CCDC136: variants seen among roughly 807,000 people sequenced by gnomAD.
The protein encoded by CCDC136 is coiled-coil domain-containing protein 136.
In CCDC136, 100 loss-of-function variants were observed where a neutral mutation model predicts 141.2. That is an observed-to-expected ratio of 0.71 (90% CI 0.60 to 0.84). The LOEUF is 0.84. Ranked by LOEUF, CCDC136 falls within the 40% of genes least tolerant of loss-of-function variation. The pLI, the probability that CCDC136 is intolerant of heterozygous loss-of-function variation, is 0.00. For missense variants in CCDC136, 1,206 were observed against 1,379.4 expected (o/e 0.87, Z 1.99); for synonymous variants, 474 against 531.9 (o/e 0.89, Z 1.50).
chr7:128,814,239 A>G (rs572983979), intron 14 of CCDC136, among the ~76,000 whole-genome samples: 55 of 151,974 alleles, frequency 3.6e-4, no homozygotes, highest in African/African-American at 1.3e-3. Flanking sequence ...GCGCGCTCCA[A>G]TAAGCCCAGC....
chr7:128,814,888 A>G lies in CCDC136; in HGVS notation c.3014A>G (p.Asp1005Gly). 6.2e-7 allele frequency: 1 copy of G among 1,604,186 alleles called. No homozygotes were observed. The highest frequency in any genetic ancestry group is 8.5e-7 in the Non-Finnish European group (1 of 1,174,920). ...AAAAAGGTGACCAAGCCATGCTCGG[A>G]TACTTCTGAGAGCGACCTTGAGACC... is the stretch of plus-strand genomic sequence containing the variant. ...KMKKVTKPCS[D>G]TSESDLETRK... The change falls in exon 15 of 18, where the codon GAT (aspartate) becomes GGT (glycine). Residue 1005 changes from aspartate (D) to glycine (G), a missense_variant. By Grantham distance (94) the Asp-to-Gly change is moderately conservative. Transcript: ENST00000297788.
At chr7:128,796,498 CTT>C (rs1802966943) in intron 3 of CCDC136, among the ~76,000 whole-genome samples, 1 of 151,864 alleles carries the variant, frequency 6.6e-6, no homozygotes, top group Non-Finnish European at 1.5e-5. Context: ...AGAGGTTTGG[CTT>C]TCATGTTAAG....
rs147635808 is a variant in CCDC136, at chr7:128,809,132, C to T, written c.1606-318C>T. The stretch of plus-strand genomic sequence containing the variant: ...GAATATGGTGTATAAAGGAAAGGGC[C>T]GGAGAAGAGGAAGGGGGAAATGAGA... On this transcript the variant is annotated intron_variant, in intron 10 of 17. Coordinates refer to ENST00000297788, the MANE Select transcript of CCDC136 (RefSeq NM_022742.5). 4.2e-4 allele frequency: 139 copies of T among 327,436 alleles called. 1 individual carries two copies. The East Asian group carries it at 1.0e-2, about 23-fold the overall frequency. 20.3% of individuals were successfully genotyped at this position (327,436 alleles called of 1,614,324 possible). A position where few individuals can be genotyped will look rare whatever the true frequency, so the allele number is the denominator to read the frequency against.
At chr7:128,811,765 G>A (rs766908021) in intron 12 of CCDC136, 35 bp from the exon 13 acceptor site, 1 of 1,531,922 alleles carries the variant, frequency 6.5e-7, no homozygotes, top group Non-Finnish European at 8.8e-7. Context: ...TGAAGTGTCA[G>A]AGTAATGATA....
In CCDC136 at chr7:128,817,861, G is replaced by GCAGGTA. The variant is rs757358903; in HGVS notation, c.*4_*5+4dup. ...TGGTGGGCTGAGACGTCGTCCTAATGCAGGTACTGGTATTGCTTCCTCTCC... is the reference window on the plus strand; with the variant it reads ...TGGTGGGCTGAGACGTCGTCCTAATGCAGGTACAGGTACTGGTATTGCTTCCTCTCC... On this transcript the variant is annotated 3_prime_UTR_variant, in exon 17 of 18. Coordinates refer to ENST00000297788, the MANE Select transcript of CCDC136 (RefSeq NM_022742.5). The surrounding 1 kb of genome is among the most constrained non-coding windows in gnomAD (Gnocchi z 4.6). 5 of 1,611,698 alleles carry GCAGGTA rather than the reference G, an allele frequency of 3.1e-6. No homozygotes were observed. The Admixed American group carries it at 8.3e-5, about 27-fold the overall frequency.
chr7:128,815,886 A>G lies in CCDC136; in HGVS notation c.3318A>G (p.Glu1106=). The part of the protein sequence containing the change: ...EEEDDADSSL[E]SPEENNPLRL... The stretch of plus-strand genomic sequence containing the variant: ...AGGATGACGCCGACTCTTCCCTTGA[A>G]AGTCCCGAAGAAAATAACCCCCTCA... Residue 1106 remains glutamate, a synonymous_variant, in exon 16 of 18, where the codon GAA becomes GAG. Coordinates refer to ENST00000297788, the MANE Select transcript of CCDC136 (RefSeq NM_022742.5). The G allele has an allele frequency of 6.2e-7, 1 of 1,613,802 alleles. No individual in the cohort carries two copies. Among genetic ancestry groups the G allele is most frequent in the East Asian group, 2.2e-5 (1 of 44,890 alleles).
intron 12 of CCDC136, among the ~76,000 whole-genome samples, 153 bp from the exon 13 acceptor site, chr7:128,811,647 A>G (rs1213802994): frequency 6.6e-6 from 1 of 152,216 alleles, no homozygotes; most frequent in Non-Finnish European, 1.5e-5. Context: ...CCAGTTACCT[A>G]TAGGCTAAGT....
chr7:128,807,288 C>G, intron 9 of CCDC136, 72 bp from the exon 10 acceptor site: 1 of 1,199,744 alleles, frequency 8.3e-7, no homozygotes, highest in East Asian at 3.1e-5. Context: ...TCCCCTTAGT[C>G]CCCGCCTGGG....
chr7:128,797,187 A>G (rs1395010529), intron 3 of CCDC136, among the ~76,000 whole-genome samples: 1 of 152,192 alleles, frequency 6.6e-6, no homozygotes, highest in African/African-American at 2.4e-5. Flanking sequence ...GCAAGGGGTA[A>G]GTTTTGGGGC....
intron 1 of CCDC136, among the ~76,000 whole-genome samples, chr7:128,793,266 GT>G (rs1436916943): frequency 8.5e-5 from 13 of 152,184 alleles, no homozygotes; most frequent in African/African-American, 2.4e-4. Flanking sequence ...CCAAACCCCA[GT>G]TTTTTTAATG....
rs369412186 is a variant in CCDC136 at position 128,810,321 on chromosome 7, C to T, written c.1983C>T (p.Pro661=). ...ESHFQEVLEN[P]DDSKLAKSSK... ...ATTTCCAGGAAGTGTTGGAGAATCCCGATGATTCCAAATTGGCTAAGTCCT... is the reference window on the plus strand; with the variant it reads ...ATTTCCAGGAAGTGTTGGAGAATCCTGATGATTCCAAATTGGCTAAGTCCT... The change falls in exon 12 of 18, where the codon CCC becomes CCT. Residue 661 remains proline (P), a synonymous_variant. Coordinates refer to ENST00000297788, the MANE Select transcript of CCDC136 (RefSeq NM_022742.5). The T allele has an allele frequency of 9.4e-5, 152 of 1,613,826 alleles. No homozygotes were observed. Among genetic ancestry groups the T allele is most frequent in the South Asian group, 3.2e-4 (29 of 91,074 alleles).
At position 128,805,502 on chromosome 7, in the gene CCDC136, A is replaced by G; in HGVS notation, c.926A>G (p.Gln309Arg). The change falls in exon 6 of 18, where the codon CAG becomes CGG. Residue 309 changes from glutamine to arginine, a missense_variant. Gln to Arg is a conservative substitution (Grantham distance 43, BLOSUM62 1). Transcript: ENST00000297788. The surrounding 1 kb of genome is among the most constrained non-coding windows in gnomAD (Gnocchi z 4.6). The part of the protein sequence containing the change: ...LRQQLRDAEE[Q>R]MHGMKNKCQE... ...CAGCAGCTACGGGATGCTGAAGAGC[A>G]GATGCATGGCATGAAGAACAAGGTA... 1 of 1,611,890 alleles carries G rather than the reference A, an allele frequency of 6.2e-7. No homozygotes were observed. The highest frequency in any genetic ancestry group is 2.2e-5 in the East Asian group (1 of 44,868).
At position 128,794,174 on chromosome 7, in the gene CCDC136, C is replaced by T. The variant is rs1169738596; in HGVS notation, c.17-174C>T. ...GTGGAGGGGCTGCTTCTCAACTTGA[C>T]TCTCACACCTGAGGACTCATCTTGA... On this transcript the variant is annotated intron_variant, in intron 1 of 17. Transcript: ENST00000297788. The surrounding 1 kb of genome is among the most constrained non-coding windows in gnomAD (Gnocchi z 4.3). 2 of 816,884 alleles carry T rather than the reference C, an allele frequency of 2.4e-6. No homozygotes were observed. The highest frequency in any genetic ancestry group is 1.7e-5 in the African/African-American group (1 of 59,116). The allele number at this position is 816,884 out of a possible 1,614,324, so 50.6% of individuals were successfully genotyped here.
rs1326272001 is a variant in CCDC136 at position 128,794,362 on chromosome 7, C to T, written c.31C>T (p.Pro11Ser). 6.4e-7 allele frequency: 1 copy of T among 1,553,354 alleles called. No homozygotes were observed. The highest frequency in any genetic ancestry group is 8.7e-7 in the Non-Finnish European group (1 of 1,147,784). Reference sequence around the variant, plus strand: ...GTGTCTCCTAGGGGAGGTGTTACTCCCAGCTCTCTATGAGGAGGAAGAGGA... The same window carrying T: ...GTGTCTCCTAGGGGAGGTGTTACTCTCAGCTCTCTATGAGGAGGAAGAGGA... Reference protein sequence around the residue: MQAMEGEVLLPALYEEEEEEE... With the variant: MQAMEGEVLLSALYEEEEEEE... Residue 11 changes from proline (P) to serine (S), a missense_variant, in exon 2 of 18, where the codon CCA (proline) becomes TCA (serine). Transcript: ENST00000297788. The surrounding 1 kb of genome is among the most constrained non-coding windows in gnomAD (Gnocchi z 4.3).
At position 128,821,826 on chromosome 7, in the gene CCDC136, G is replaced by A. The variant is rs1193511515; in HGVS notation, c.*33G>A. ...CATGTTTGGGTTGTGGAAGCCTATG[G>A]TATTCTTGGCTATTGCAGCTGTGGC... is the stretch of plus-strand genomic sequence containing the variant. On this transcript the variant is annotated 3_prime_UTR_variant, in exon 18 of 18. Transcript: ENST00000297788. This position sits in a 1 kb window ranked among gnomAD's most constrained non-coding sequence, Gnocchi z 5.1. The A allele has an allele frequency of 1.5e-6, 2 of 1,290,336 alleles. No homozygotes were observed. The highest frequency in any genetic ancestry group is 4.6e-5 in the Admixed American group (2 of 43,554). 79.9% of individuals were successfully genotyped at this position (1,290,336 alleles called of 1,614,324 possible). A position where few individuals can be genotyped will look rare whatever the true frequency, so the allele number is the denominator to read the frequency against.
chr7:128,802,345 CA>C (rs1804176006), intron 4 of CCDC136, among the ~76,000 whole-genome samples: 1 of 152,036 alleles, frequency 6.6e-6, no homozygotes, highest in South Asian at 2.1e-4. Flanking sequence ...AGGCAATCAA[CA>C]AGGAATCAAA....
chr7:128,813,906 C>T (rs1806154710), intron 14 of CCDC136, among the ~76,000 whole-genome samples: 1 of 151,928 alleles, frequency 6.6e-6, no homozygotes, highest in Non-Finnish European at 1.5e-5. Flanking sequence ...CGCTTGAATC[C>T]AGGAGGCGGA....
chr7:128,806,687 G>A lies in CCDC136; in HGVS notation c.1249-1G>A. The A allele has an allele frequency of 9.9e-6, 16 of 1,609,288 alleles. No individual in the cohort carries two copies. Among genetic ancestry groups the A allele is most frequent in the Non-Finnish European group, 1.4e-5 (16 of 1,178,784 alleles). On this transcript the variant is annotated splice_acceptor_variant, in intron 8 of 17. Coordinates refer to ENST00000297788, the MANE Select transcript of CCDC136 (RefSeq NM_022742.5). LOFTEE classifies it high-confidence loss of function. Reference sequence around the variant, plus strand: ...ACTGCCCAAAGCCCCCTCTACCATAGGAGTTACTGTGCCGGCTGCAGAAGC... The same window carrying A: ...ACTGCCCAAAGCCCCCTCTACCATAAGAGTTACTGTGCCGGCTGCAGAAGC...
At chr7:128,804,091 C>T (rs894293976) in intron 4 of CCDC136, among the ~76,000 whole-genome samples, 1 of 152,206 alleles carries the variant, frequency 6.6e-6, no homozygotes, top group African/African-American at 2.4e-5. Flanking sequence ...GTTGGGATTA[C>T]AGGCTTGAGC....
Sources: allele counts gnomAD v4.1 joint callset (sites outside exome capture counted in the v4.1 genomes callset), GRCh38; gene constraint gnomAD v4.1.1; non-coding constraint Gnocchi (gnomAD v3.1); transcripts MANE v1.5; gene names NCBI Gene and HGNC (gene_info 2026-07-23, HGNC 2026-07-21).